PROX1: variants seen among roughly 807,000 people sequenced by gnomAD.
The protein encoded by PROX1 is prospero homeobox 1, also known as prospero homeobox protein 1.
Under a neutral mutation model 58.8 loss-of-function variants are expected in PROX1, and 7 were observed. The observed-to-expected ratio is 0.12, with a 90% CI of 0.07 to 0.22. PROX1 has a LOEUF of 0.22. Among genes scored for constraint, PROX1 ranks in the 10% least tolerant of loss-of-function variants. PROX1 has a pLI of 1.00. For synonymous variants in PROX1, 350 were observed against 358.3 expected (o/e 0.98, Z 0.26); for missense variants, 675 against 927.8 (o/e 0.73, Z 3.54).
upstream of PROX1, among the ~76,000 whole-genome samples, chr1:213,986,786 C>G (rs1662834581): frequency 6.6e-6 from 1 of 152,232 alleles, no homozygotes. Flanking sequence ...AAGCCGTTTA[C>G]TGTGCCCGGT....
chr1:214,014,160 T>C (rs933383199), intron 4 of PROX1, among the ~76,000 whole-genome samples: 2 of 152,244 alleles, frequency 1.3e-5, no homozygotes, highest in Admixed American at 6.5e-5. Context: ...ACCGTTCTTA[T>C]CGTGGTAGCT....
chr1:214,025,038 G>A (rs1481221966), intron 4 of PROX1, among the ~76,000 whole-genome samples: 1 of 152,202 alleles, frequency 6.6e-6, no homozygotes, highest in East Asian at 1.9e-4. Flanking sequence ...TTCCACCTAA[G>A]TATTGAGCTG....
intron 4 of PROX1, chr1:214,030,265 C>G (rs943581021): frequency 6.6e-6 from 1 of 152,304 alleles, no homozygotes; most frequent in African/African-American, 2.4e-5. Context: ...ATTGTACTTT[C>G]CCATTCGCTA....
chr1:214,004,773 T>C (rs1663646382), intron 2 of PROX1, among the ~76,000 whole-genome samples: 1 of 152,084 alleles, frequency 6.6e-6, no homozygotes, highest in Admixed American at 6.6e-5. Flanking sequence ...CAAACAGAAC[T>C]GTAATTGCAA....
intron 3 of PROX1, among the ~76,000 whole-genome samples, chr1:214,006,351 C>T (rs528954388): frequency 6.6e-6 from 1 of 152,238 alleles, no homozygotes; most frequent in South Asian, 2.1e-4. Flanking sequence ...TTTTATTTGG[C>T]CTTATAAGAA....
intron 3 of PROX1, among the ~76,000 whole-genome samples, chr1:214,008,036 T>C (rs899258788): frequency 6.8e-6 from 1 of 147,376 alleles, no homozygotes; most frequent in African/African-American, 2.5e-5. Flanking sequence ...CTCTTTCAAA[T>C]AATAAAGTTA....
intron 4 of PROX1, among the ~76,000 whole-genome samples, chr1:214,024,808 G>C (rs1419130031): frequency 6.6e-6 from 1 of 152,184 alleles, no homozygotes; most frequent in East Asian, 1.9e-4. Context: ...TGGAGTGTTT[G>C]TGCTATGTTG....
At chr1:214,020,031 T>C (rs1432317590) in intron 4 of PROX1, among the ~76,000 whole-genome samples, 1 of 151,260 alleles carries the variant, frequency 6.6e-6, no homozygotes, top group Non-Finnish European at 1.5e-5. Context: ...CCTTTCCTAC[T>C]TTTTTTCCCC....
chr1:213,985,652 G>A (rs910644083), upstream of PROX1: 1 of 152,238 alleles, frequency 6.6e-6, no homozygotes, highest in African/African-American at 2.4e-5. Flanking sequence ...TGCCCACGGC[G>A]TGACACAGGA....
intron 1 of PROX1, among the ~76,000 whole-genome samples, chr1:213,992,399 G>A (rs1663068682): frequency 6.6e-6 from 1 of 152,100 alleles, no homozygotes; most frequent in African/African-American, 2.4e-5. Context: ...TTGCTAATTA[G>A]CAGAAACAAA....
intron 1 of PROX1, among the ~76,000 whole-genome samples, chr1:213,993,731 A>AT (rs1430561450): frequency 6.6e-6 from 1 of 152,128 alleles, no homozygotes; most frequent in East Asian, 1.9e-4. Context: ...AGATATATTT[A>AT]TTTGTGCCTA....
chr1:213,989,751 A>G (rs1257294982), intron 1 of PROX1: 1 of 152,088 alleles, frequency 6.6e-6, no homozygotes, highest in Non-Finnish European at 1.5e-5. Flanking sequence ...AGGTTGGTGG[A>G]GTGATGGAGC....
At chr1:214,000,692 A>G (rs1241587949) in intron 2 of PROX1, among the ~76,000 whole-genome samples, 1 of 152,202 alleles carries the variant, frequency 6.6e-6, no homozygotes, top group Non-Finnish European at 1.5e-5. Flanking sequence ...TTTCTCAGGA[A>G]GAGTAAGATA....
chr1:214,022,737 C>A lies in PROX1; in HGVS notation c.2028+11022C>A, dbSNP rs151337774. Among the ~76,000 whole-genome samples the A allele has an allele frequency of 3.0e-3, 458 of 152,284 alleles. 1 individual carries two copies. Among genetic ancestry groups the A allele is most frequent in the African/African-American group, 0.011 (441 of 41,552 alleles). On this transcript the variant is annotated intron_variant, in intron 4 of 4. Transcript: ENST00000366958. Reference sequence around the variant, plus strand: ...TTTTGGAAAGTGATAAGATTAAATTCAAGAGTTTCATTCTAGCTCTGAAAT... The same window carrying A: ...TTTTGGAAAGTGATAAGATTAAATTAAAGAGTTTCATTCTAGCTCTGAAAT...
chr1:214,001,435 T>C (rs1029572832), intron 2 of PROX1, among the ~76,000 whole-genome samples: 7 of 152,222 alleles, frequency 4.6e-5, no homozygotes, highest in African/African-American at 1.7e-4. Flanking sequence ...TGATGTTCCT[T>C]GTCATTCATC....
intron 3 of PROX1, among the ~76,000 whole-genome samples, chr1:214,010,206 A>T (rs1663859869): frequency 6.6e-6 from 1 of 152,138 alleles, no homozygotes; most frequent in Non-Finnish European, 1.5e-5. Flanking sequence ...TGATGACTTA[A>T]TCATTTTCTG....
chr1:213,994,288 G>C (rs1222819118), intron 1 of PROX1, among the ~76,000 whole-genome samples: 2 of 152,154 alleles, frequency 1.3e-5, no homozygotes, highest in African/African-American at 4.8e-5. Context: ...TTGACATTTT[G>C]ATTGGAGATC....
intron 4 of PROX1, among the ~76,000 whole-genome samples, chr1:214,016,275 T>C (rs1005063323): frequency 1.3e-5 from 2 of 152,188 alleles, no homozygotes; most frequent in African/African-American, 4.8e-5. Flanking sequence ...CCTACCCTTT[T>C]CTTAACCTAC....
chr1:214,024,237 T>G (rs1664377379), intron 4 of PROX1, among the ~76,000 whole-genome samples: 1 of 152,232 alleles, frequency 6.6e-6, no homozygotes, highest in African/African-American at 2.4e-5. Context: ...TCCAAAGCCC[T>G]TCACAAGCTC....
Sources: gnomAD v4.1 joint callset for allele counts (sites outside exome capture counted in the v4.1 genomes callset) on GRCh38, gnomAD v4.1.1 for gene constraint, MANE v1.5 for transcripts, NCBI Gene and HGNC (gene_info 2026-07-23, HGNC 2026-07-21) for gene names.